Variants in STC1 observed in about 807,000 individuals in gnomAD.
STC1 encodes stanniocalcin 1.
A neutral mutation model predicts 22.6 loss-of-function variants in STC1; 7 were observed. That is an observed-to-expected ratio of 0.31 (90% CI 0.18 to 0.58). The LOEUF (loss-of-function observed/expected upper bound fraction) is 0.58, where lower values mean the gene tolerates loss of function less well. STC1 is among the 20% of genes least tolerant of loss of function. The probability of loss-of-function intolerance (pLI) is 0.89; values close to 1 mark genes in which losing one functional copy is unlikely to be tolerated. For synonymous variants in STC1, 113 were observed against 120.7 expected, an observed-to-expected ratio of 0.94 and a Z score of 0.42; for missense variants, 224 against 311.0, an observed-to-expected ratio of 0.72 and a Z score of 2.10.
rs568999792 is a variant in STC1 at position 23,843,038 on chromosome 8, A to C, written c.*1732T>G. 6.5e-6 allele frequency: 1 copy of C among 152,714 alleles called. No homozygotes were observed. The highest frequency in any genetic ancestry group is 1.9e-4 in the East Asian group (1 of 5,164). The allele number at this position is 152,714 out of a possible 1,614,324, so 9.5% of individuals were successfully genotyped here. ...TTTGGTCAAATCTTGAGTTTAGCCTAGTGAGAGTCAAGCACCAATAGTTTC... is the reference window on the plus strand; with the variant it reads ...TTTGGTCAAATCTTGAGTTTAGCCTCGTGAGAGTCAAGCACCAATAGTTTC... On this transcript the variant is annotated 3_prime_UTR_variant, in exon 4 of 4. Transcript: ENST00000290271.
intron 1 of STC1, chr8:23,854,101 G>T: frequency 8.3e-7 from 1 of 1,201,460 alleles, no homozygotes; most frequent in Non-Finnish European, 1.0e-6. Context: ...CAACATTCAA[G>T]CCTTTCCTCC....
At chr8:23,853,314 C>T (rs1247831919) in intron 1 of STC1, among the ~76,000 whole-genome samples, 2 of 152,178 alleles carry the variant, frequency 1.3e-5, no homozygotes, top group Non-Finnish European at 2.9e-5. Flanking sequence ...TCCCACCACC[C>T]GCAGCCTCTA....
At chr8:23,847,261 G>T (rs1802584186) in intron 3 of STC1, among the ~76,000 whole-genome samples, 1 of 152,190 alleles carries the variant, frequency 6.6e-6, no homozygotes, top group South Asian at 2.1e-4. Flanking sequence ...CAGCTTCAGG[G>T]CCATACATTT....
chr8:23,851,748 G>A (rs1056572765), intron 2 of STC1, among the ~76,000 whole-genome samples: 4 of 150,690 alleles, frequency 2.7e-5, no homozygotes, highest in South Asian at 2.1e-4. Flanking sequence ...AAGCTCTACC[G>A]AAATGAAATT....
At chr8:23,850,705 G>T (rs1333227271) in intron 3 of STC1, among the ~76,000 whole-genome samples, 1 of 152,094 alleles carries the variant, frequency 6.6e-6, no homozygotes, top group African/African-American at 2.4e-5. Context: ...AGGAAATCTT[G>T]GGCTAGAGGA....
At chr8:23,852,867 A>G (rs969649649) in intron 1 of STC1, among the ~76,000 whole-genome samples, 8 of 152,190 alleles carry the variant, frequency 5.3e-5, no homozygotes, top group Non-Finnish European at 7.3e-5. Context: ...TCTAAATGGC[A>G]GAGAAGACTG....
At chr8:23,845,672 T>C (rs922336282) in intron 3 of STC1, among the ~76,000 whole-genome samples, 3 of 152,152 alleles carry the variant, frequency 2.0e-5, no homozygotes, top group African/African-American at 4.8e-5. Context: ...TATCACATAC[T>C]TGGACAGCCC....
chr8:23,853,523 A>T (rs1457861983), intron 1 of STC1, among the ~76,000 whole-genome samples: 2 of 152,210 alleles, frequency 1.3e-5, no homozygotes, highest in Non-Finnish European at 2.9e-5. Context: ...GTGCTCTTCC[A>T]AGGGGATCAT....
chr8:23,854,295 C>A, intron 1 of STC1, 111 bp downstream of exon 1: 1 of 1,068,336 alleles, frequency 9.4e-7, no homozygotes. Flanking sequence ...TGCCATCAGG[C>A]ATGAAGCACA....
chr8:23,852,928 G>A (rs369084328), intron 1 of STC1, among the ~76,000 whole-genome samples: 4 of 152,074 alleles, frequency 2.6e-5, no homozygotes, highest in African/African-American at 7.2e-5. Context: ...TTAACTTACC[G>A]TCATATTGGC....
At chr8:23,849,153 G>A (rs1802607314) in intron 3 of STC1, among the ~76,000 whole-genome samples, 1 of 152,182 alleles carries the variant, frequency 6.6e-6, no homozygotes, top group Non-Finnish European at 1.5e-5. Context: ...ATAAGTCACA[G>A]GAAGGTGGAA....
chr8:23,844,733 T>C lies in STC1; in HGVS notation c.*37A>G, dbSNP rs1191446445. The C allele has an allele frequency of 1.2e-6, 2 of 1,603,378 alleles. No individual in the cohort carries two copies. The highest frequency in any genetic ancestry group is 1.1e-5 in the South Asian group (1 of 90,698). ...TGGTGTGTCAACACCCCTAAAATGA[T>C]ACTAGTTTGGTGAGGTTGTGAATAA... On this transcript the variant is annotated 3_prime_UTR_variant, in exon 4 of 4. Transcript: ENST00000290271.
chr8:23,847,768 T>C (rs144634699), intron 3 of STC1, among the ~76,000 whole-genome samples: 29 of 152,372 alleles, frequency 1.9e-4, no homozygotes, highest in African/African-American at 7.0e-4. Flanking sequence ...ACCTATTTAG[T>C]GAGCACCTTC....
intron 3 of STC1, among the ~76,000 whole-genome samples, chr8:23,846,405 C>A (rs1802573753): frequency 6.6e-6 from 1 of 152,162 alleles, no homozygotes; most frequent in South Asian, 2.1e-4. Context: ...ATAAGAGACT[C>A]AGTGACAGTG....
intron 3 of STC1, among the ~76,000 whole-genome samples, chr8:23,849,704 C>G (rs530785094): frequency 6.6e-6 from 1 of 152,242 alleles, no homozygotes; most frequent in African/African-American, 2.4e-5. Context: ...TATTATAGAT[C>G]ATGATTTGTC....
chr8:23,852,446 G>A, intron 1 of STC1, 62 bp from the exon 2 acceptor site: 1 of 1,528,438 alleles, frequency 6.5e-7, no homozygotes, highest in Non-Finnish European at 8.8e-7. Context: ...GTGGGATCAA[G>A]TGGGTGCAGA....
Position 23,854,559 on chromosome 8 carries a change from T to A in STC1, c.-36A>T, listed in dbSNP as rs754038098. On this transcript the variant is annotated 5_prime_UTR_variant, in exon 1 of 4. Transcript: ENST00000290271. ...GTTTCCGCTAAGTTGTTGGGTTTTTTTTTTTTCCTGCCCCCCTTTCCTCTT... is the reference window on the plus strand; with the variant it reads ...GTTTCCGCTAAGTTGTTGGGTTTTTATTTTTTCCTGCCCCCCTTTCCTCTT... The A allele has an allele frequency of 3.0e-5, 47 of 1,564,168 alleles. No homozygotes were observed. The highest frequency in any genetic ancestry group is 3.9e-5 in the Non-Finnish European group (44 of 1,135,612).
chr8:23,852,242 C>A lies in STC1; in HGVS notation c.261G>T (p.Gln87His). The change falls in exon 2 of 4, where the codon CAG becomes CAT. Residue 87 changes from glutamine to histidine, a missense_variant and splice_region_variant. Physicochemically the swap from Gln to His is conservative, Grantham distance 24 (BLOSUM62 0). Transcript: ENST00000290271. ...GGAGCAGGGGTCAAGGTTTTATTACCTGAGTGTCAAATTTAGCAGCGCTGT... is the reference window on the plus strand; with the variant it reads ...GGAGCAGGGGTCAAGGTTTTATTACATGAGTGTCAAATTTAGCAGCGCTGT... ...FLYSAAKFDT[Q>H]GKAFVKESLK... 1 of 1,614,092 alleles carries A rather than the reference C, an allele frequency of 6.2e-7. No individual in the cohort carries two copies.
chr8:23,847,664 T>C (rs1253504376), intron 3 of STC1, among the ~76,000 whole-genome samples: 2 of 152,242 alleles, frequency 1.3e-5, no homozygotes, highest in Non-Finnish European at 2.9e-5. Flanking sequence ...TCTGGGATCA[T>C]GCTTGCCAAT....
Sources: gnomAD v4.1 joint callset for allele counts (sites outside exome capture counted in the v4.1 genomes callset) on GRCh38, gnomAD v4.1.1 for gene constraint, MANE v1.5 for transcripts, NCBI Gene and HGNC (gene_info 2026-07-23, HGNC 2026-07-21) for gene names.